Variants in CADPS2 observed in about 807,000 individuals in gnomAD.
CADPS2 encodes calcium dependent secretion activator 2, also known as calcium-dependent secretion activator 2.
A neutral mutation model predicts 172.5 loss-of-function variants in CADPS2; 93 were observed. That is an observed-to-expected ratio of 0.54 (90% CI 0.46 to 0.64). CADPS2 has a LOEUF of 0.64. Ranked by LOEUF, CADPS2 falls within the 30% of genes least tolerant of loss-of-function variation. The pLI, the probability that CADPS2 is intolerant of heterozygous loss-of-function variation, is 0.00. For missense variants in CADPS2, 1,420 were observed against 1,565.9 expected (o/e 0.91, Z 1.57); for synonymous variants, 546 against 555.2 (o/e 0.98, Z 0.23).
intron 2 of CADPS2, among the ~76,000 whole-genome samples, chr7:122,686,241 T>C (rs976276503): frequency 5.9e-5 from 9 of 152,210 alleles, no homozygotes; most frequent in African/African-American, 1.9e-4. Flanking sequence ...ACAGTTGTGA[T>C]AGTGGTAGCG....
At position 122,388,697 on chromosome 7, in the gene CADPS2, T is replaced by C; in HGVS notation, c.3050A>G (p.Asp1017Gly). 9 of 1,609,486 alleles carry C rather than the reference T, an allele frequency of 5.6e-6. No homozygotes were observed. The highest frequency in any genetic ancestry group is 1.1e-5 in the South Asian group (1 of 90,484). ...ATCAAAGACAAACATTTGCAGTGCA[T>C]CAAGCTTCCAAAAAAGGTCTTCTGA... is the stretch of plus-strand genomic sequence containing the variant. ...ATSEDLFWKLDALQMFVFDLH... is the reference protein window; with the variant it reads ...ATSEDLFWKLGALQMFVFDLH... The change falls in exon 23 of 30, where the codon GAT becomes GGT. Residue 1017 changes from aspartate to glycine, a missense_variant. Asp to Gly is a moderately conservative substitution (Grantham distance 94, BLOSUM62 -1). Transcript: ENST00000449022.
chr7:122,798,592 T>G (rs1405482325), intron 1 of CADPS2, among the ~76,000 whole-genome samples: 1 of 152,150 alleles, frequency 6.6e-6, no homozygotes, highest in African/African-American at 2.4e-5. Flanking sequence ...AGGGAAATCT[T>G]TCTGACAAAA....
intron 8 of CADPS2, among the ~76,000 whole-genome samples, chr7:122,540,852 T>C (rs1164554412): frequency 6.6e-6 from 1 of 152,146 alleles, no homozygotes; most frequent in African/African-American, 2.4e-5. Context: ...AGTTTTCATT[T>C]TATATGACTT....
intron 3 of CADPS2, among the ~76,000 whole-genome samples, chr7:122,636,937 T>C (rs971445106): frequency 1.3e-5 from 2 of 152,172 alleles, no homozygotes; most frequent in African/African-American, 4.8e-5. Flanking sequence ...TATCCTCTAA[T>C]GTTTTCCAAG....
chr7:122,604,248 G>A lies in CADPS2; in HGVS notation c.1223+10933C>T, dbSNP rs182348229. ...TCTTAAAATGCCTTTCCTAACTTATGTATATCACCATTGTTATTCACTCAC... is the reference window on the plus strand; with the variant it reads ...TCTTAAAATGCCTTTCCTAACTTATATATATCACCATTGTTATTCACTCAC... On this transcript the variant is annotated intron_variant, in intron 6 of 29. Transcript: ENST00000449022. 3.2e-4 allele frequency among the ~76,000 whole-genome samples: 49 copies of A among 152,142 alleles called. 1 individual carries two copies. The highest frequency in any genetic ancestry group is 6.7e-4 in the African/African-American group (28 of 41,506).
intron 5 of CADPS2, among the ~76,000 whole-genome samples, chr7:122,617,276 G>A (rs1445520778): frequency 6.6e-6 from 1 of 152,114 alleles, no homozygotes; most frequent in Non-Finnish European, 1.5e-5. Flanking sequence ...CTTCTGTGAT[G>A]AATCTATATG....
chr7:122,782,080 T>G (rs1792878069), intron 1 of CADPS2, among the ~76,000 whole-genome samples: 1 of 152,210 alleles, frequency 6.6e-6, no homozygotes, highest in Non-Finnish European at 1.5e-5. Flanking sequence ...ATCATATTAT[T>G]CTAAATAATT....
chr7:122,578,073 T>C (rs910718292), intron 7 of CADPS2, among the ~76,000 whole-genome samples: 2 of 151,166 alleles, frequency 1.3e-5, no homozygotes, highest in South Asian at 2.1e-4. Flanking sequence ...AGTAGATATA[T>C]ATATGTGTAT....
rs1276752575 is a variant in CADPS2, at chr7:122,490,269, C to G, written c.1664G>C (p.Gly555Ala). 12 of 1,612,886 alleles carry G rather than the reference C, an allele frequency of 7.4e-6. No homozygotes were observed. The highest frequency in any genetic ancestry group is 1.7e-5 in the Admixed American group (1 of 59,968). Residue 555 changes from glycine (G) to alanine (A), a missense_variant, in exon 11 of 30, where the codon GGT (glycine) becomes GCT (alanine). Transcript: ENST00000449022. The part of the protein sequence containing the change: ...YTDPHPGLQG[G>A]CMFFNAVKEG... ...TTTAACAGCATTAAAGAACATACAA[C>G]CACCCTGAAGGCCTGTGGAGGAAAC...
intron 1 of CADPS2, among the ~76,000 whole-genome samples, chr7:122,863,507 G>T (rs979025534): frequency 2.0e-5 from 3 of 152,120 alleles, no homozygotes; most frequent in African/African-American, 7.2e-5. Flanking sequence ...ATGTCTACTA[G>T]GGAGTATTAA....
rs76361970 is a variant in CADPS2 at position 122,351,729 on chromosome 7, C to T, written c.3505-6048G>A. Among the ~76,000 whole-genome samples, 833 of 152,148 alleles carry T rather than the reference C, an allele frequency of 5.5e-3. 26 individuals are homozygous for T. Among genetic ancestry groups the T allele is most frequent in the Admixed American group, 0.041 (627 of 15,274 alleles). On this transcript the variant is annotated intron_variant, in intron 27 of 29. Transcript: ENST00000449022. ...ATAGTTGGTAAAAGGCAGAATCCTA[C>T]CTTAATGCTATGAAGGTATCTGATA...
At chr7:122,572,175 T>C (rs1387203580) in intron 7 of CADPS2, among the ~76,000 whole-genome samples, 1 of 152,174 alleles carries the variant, frequency 6.6e-6, no homozygotes, top group African/African-American at 2.4e-5. Flanking sequence ...CTTTACCTAG[T>C]GAATTAATAT....
At chr7:122,776,203 C>T (rs2093877187) in intron 1 of CADPS2, among the ~76,000 whole-genome samples, 1 of 151,932 alleles carries the variant, frequency 6.6e-6, no homozygotes, top group African/African-American at 2.4e-5. Flanking sequence ...CAGGTTTTTC[C>T]CATGCTGTTC....
At chr7:122,736,862 C>G (rs1363452799) in intron 2 of CADPS2, 93 bp downstream of exon 2, 2 of 669,202 alleles carry the variant, frequency 3.0e-6, no homozygotes, top group Non-Finnish European at 5.2e-6. Flanking sequence ...CCTGTCAGAC[C>G]AGCAAGCTTC....
chr7:122,676,496 C>T (rs986648650), intron 2 of CADPS2: 13 of 416,096 alleles, frequency 3.1e-5, no homozygotes, highest in Admixed American at 4.3e-5. Context: ...GGCTGTATCT[C>T]GACTGCTCAC....
chr7:122,885,267 G>A (rs1203488904), intron 1 of CADPS2, among the ~76,000 whole-genome samples: 1 of 152,102 alleles, frequency 6.6e-6, no homozygotes, highest in East Asian at 1.9e-4. Context: ...GGGAGAATAA[G>A]CATTTTGTTC....
intron 8 of CADPS2, among the ~76,000 whole-genome samples, chr7:122,513,657 T>C (rs2060155148): frequency 6.6e-6 from 1 of 152,188 alleles, no homozygotes; most frequent in Admixed American, 6.5e-5. Flanking sequence ...GAGGACATGG[T>C]TATCAATGCT....
At chr7:122,459,392 T>C (rs2054178888) in intron 14 of CADPS2, among the ~76,000 whole-genome samples, 3 of 152,026 alleles carry the variant, frequency 2.0e-5, no homozygotes, top group African/African-American at 7.2e-5. Flanking sequence ...CAAAGGTATA[T>C]TGCTAGGTTA....
intron 2 of CADPS2, among the ~76,000 whole-genome samples, chr7:122,683,411 C>G (rs1467039028): frequency 6.6e-6 from 1 of 152,138 alleles, no homozygotes; most frequent in Non-Finnish European, 1.5e-5. Context: ...CAGTTGTTTT[C>G]TCTTACAACC....
Sources: gnomAD v4.1 joint callset for allele counts (sites outside exome capture counted in the v4.1 genomes callset) on GRCh38, gnomAD v4.1.1 for gene constraint, MANE v1.5 for transcripts, NCBI Gene and HGNC (gene_info 2026-07-23, HGNC 2026-07-21) for gene names.